The following INVS variants were observed in gnomAD, a reference collection of about 807,000 sequenced individuals.
INVS encodes inversin.
A neutral mutation model predicts 108.8 loss-of-function variants in INVS; 86 were observed. The observed-to-expected ratio is 0.79, with a 90% CI of 0.66 to 0.95. The LOEUF (loss-of-function observed/expected upper bound fraction) is 0.95. INVS is among the 40% of genes least tolerant of loss of function. The pLI, the probability that INVS is intolerant of heterozygous loss-of-function variation, is 0.00. For missense variants in INVS, 1,169 were observed against 1,297.4 expected (o/e 0.90, Z 1.52); for synonymous variants, 455 against 473.5 (o/e 0.96, Z 0.51).
chr9:100,288,284 C>T (rs1478308466), intron 13 of INVS, among the ~76,000 whole-genome samples: 1 of 152,290 alleles, frequency 6.6e-6, no homozygotes, highest in Admixed American at 6.5e-5. Flanking sequence ...ATGTTTGCAG[C>T]TGAGTAGCTT....
intron 3 of INVS, among the ~76,000 whole-genome samples, chr9:100,195,235 C>T (rs148748353): frequency 9.9e-5 from 15 of 152,258 alleles, no homozygotes; most frequent in African/African-American, 3.6e-4. Context: ...GATTCTAGTT[C>T]GCTGAGAATT....
At chr9:100,291,804 G>A (rs1289568564) in intron 13 of INVS, among the ~76,000 whole-genome samples, 4 of 152,158 alleles carry the variant, frequency 2.6e-5, no homozygotes, top group Non-Finnish European at 5.9e-5. Context: ...TCTAAGTGCT[G>A]GAGAGCAGAT....
chr9:100,126,008 C>A (rs1050069340), intron 2 of INVS, among the ~76,000 whole-genome samples: 1 of 152,128 alleles, frequency 6.6e-6, no homozygotes, highest in African/African-American at 2.4e-5. Context: ...TTGTATCACT[C>A]ATAAAACATA....
At chr9:100,299,939 T>G (rs1306260901) in intron 16 of INVS, among the ~76,000 whole-genome samples, 1 of 152,190 alleles carries the variant, frequency 6.6e-6, no homozygotes, top group Non-Finnish European at 1.5e-5. Flanking sequence ...TTTGTTACTT[T>G]TAAAAACTAC....
intron 3 of INVS, among the ~76,000 whole-genome samples, chr9:100,198,264 A>ATTTTTTTTTTTTTTTTTTTT (rs66710233): frequency 6.1e-5 from 4 of 65,286 alleles, no homozygotes; most frequent in Non-Finnish European, 8.4e-5. Context: ...GAGGGCTAGA[A>ATTTTTTTTTTTTTTTTTTTT]TTTTTTTTTT....
chr9:100,100,975 ATATATATAATATATATG>A lies in INVS; in HGVS notation c.-25+1576_-25+1592del, dbSNP rs1587996100. Among the ~76,000 whole-genome samples the A allele has an allele frequency of 6.7e-5, 5 of 75,174 alleles. No homozygotes were observed. In the East Asian group the frequency reaches 1.5e-3, roughly 22 times the overall value. 49.3% of individuals were successfully genotyped at this position (75,174 alleles called of 152,430 possible). A position where few individuals can be genotyped will look rare whatever the true frequency, so the allele number is the denominator to read the frequency against. ...ATATATTATATATATAATATATATTATATATATAATATATATGTATATATAATATATATATTATATGT... is the reference window on the plus strand; with the variant it reads ...ATATATTATATATATAATATATATTATATATATAATATATATATTATATGT... On this transcript the variant is annotated intron_variant, in intron 1 of 16. Coordinates refer to ENST00000262457, the MANE Select transcript of INVS (RefSeq NM_014425.5).
chr9:100,264,234 T>G (rs1038410533), intron 10 of INVS, among the ~76,000 whole-genome samples: 2 of 152,228 alleles, frequency 1.3e-5, no homozygotes, highest in Admixed American at 1.3e-4. Context: ...ATAATTAGAT[T>G]CAGGTTTCAC....
At chr9:100,174,327 A>G (rs901302842) in intron 3 of INVS, among the ~76,000 whole-genome samples, 31 of 152,180 alleles carry the variant, frequency 2.0e-4, no homozygotes, top group Non-Finnish European at 1.8e-4. Flanking sequence ...AAGATTCACT[A>G]GAAGGGCTTA....
At chr9:100,131,105 T>TAG (rs1330180374) in intron 3 of INVS, among the ~76,000 whole-genome samples, 1 of 152,146 alleles carries the variant, frequency 6.6e-6, no homozygotes, top group Admixed American at 6.5e-5. Flanking sequence ...ACATCTCTAT[T>TAG]AGAGCCCCAT....
chr9:100,156,943 T>C (rs60405907), intron 3 of INVS, among the ~76,000 whole-genome samples: 3,257 of 149,554 alleles, frequency 0.022, 103 homozygotes, highest in African/African-American at 0.073. Flanking sequence ...TATATATATA[T>C]ACACACACAC....
intron 3 of INVS, among the ~76,000 whole-genome samples, chr9:100,178,536 A>G (rs535060881): frequency 2.0e-5 from 3 of 152,342 alleles, no homozygotes; most frequent in Admixed American, 2.0e-4. Flanking sequence ...AAGAAAGAAT[A>G]TCAGAGACTG....
intron 2 of INVS, among the ~76,000 whole-genome samples, chr9:100,122,576 C>T (rs373619299): frequency 2.1e-3 from 119 of 57,410 alleles, no homozygotes; most frequent in Middle Eastern, 0.026. Flanking sequence ...AAGTGAGTTT[C>T]TTTTTTTTTT....
intron 3 of INVS, among the ~76,000 whole-genome samples, chr9:100,201,503 C>T (rs538055036): frequency 6.6e-6 from 1 of 152,212 alleles, no homozygotes; most frequent in Admixed American, 6.5e-5. Flanking sequence ...CCACTTAGGT[C>T]AAGTTTTGAG....
intron 3 of INVS, among the ~76,000 whole-genome samples, chr9:100,158,755 C>T (rs557363440): frequency 9.9e-5 from 15 of 152,254 alleles, no homozygotes; most frequent in South Asian, 2.1e-4. Context: ...CTCCAAATCC[C>T]GCGTTGAAAT....
intron 2 of INVS, among the ~76,000 whole-genome samples, chr9:100,119,145 A>G (rs899209155): frequency 2.0e-5 from 3 of 152,204 alleles, no homozygotes; most frequent in Non-Finnish European, 2.9e-5. Context: ...ATGCCTTGAT[A>G]TCATACAATG....
At chr9:100,200,337 G>T (rs1192048925) in intron 3 of INVS, among the ~76,000 whole-genome samples, 1 of 151,962 alleles carries the variant, frequency 6.6e-6, no homozygotes, top group Non-Finnish European at 1.5e-5. Context: ...TTTTCTGTTT[G>T]TTTGCATATG....
intron 3 of INVS, among the ~76,000 whole-genome samples, chr9:100,145,234 G>A (rs537113285): frequency 2.2e-4 from 34 of 152,078 alleles, no homozygotes; most frequent in African/African-American, 8.2e-4. Flanking sequence ...GGAGGGAAGG[G>A]GTTTGGGGGT....
intron 3 of INVS, among the ~76,000 whole-genome samples, chr9:100,198,261 A>C (rs1303717650): frequency 9.9e-6 from 1 of 101,246 alleles, no homozygotes; most frequent in Non-Finnish European, 1.9e-5. Context: ...ATTGAGGGCT[A>C]GAATTTTTTT....
chr9:100,207,375 C>T (rs987188147), intron 3 of INVS, among the ~76,000 whole-genome samples: 3 of 152,142 alleles, frequency 2.0e-5, no homozygotes, highest in African/African-American at 7.2e-5. Flanking sequence ...CTCACTGCAA[C>T]TGCTGCCTCC....
Sources: gnomAD v4.1 joint callset for allele counts (sites outside exome capture counted in the v4.1 genomes callset) on GRCh38, gnomAD v4.1.1 for gene constraint, MANE v1.5 for transcripts, NCBI Gene and HGNC (gene_info 2026-07-23, HGNC 2026-07-21) for gene names.